The following TNIK variants were observed in gnomAD, a reference collection of about 807,000 sequenced individuals.
The protein encoded by TNIK is TRAF2 and NCK-interacting protein kinase.
Under a neutral mutation model 191.3 loss-of-function variants are expected in TNIK, and 49 were observed. That is an observed-to-expected ratio of 0.26 (90% confidence interval 0.20 to 0.32). The LOEUF is 0.32. Ranked by LOEUF, TNIK falls within the 10% of genes least tolerant of loss-of-function variation. The probability of loss-of-function intolerance (pLI) is 1.00; values close to 1 mark genes in which losing one functional copy is unlikely to be tolerated. For missense variants in TNIK, 1,155 were observed against 1,702.3 expected, an observed-to-expected ratio of 0.68 and a Z score of 5.66; for synonymous variants, 594 against 600.9, an observed-to-expected ratio of 0.99 and a Z score of 0.17.
chr3:171,085,705 C>T (rs766609714), intron 24 of TNIK, among the ~76,000 whole-genome samples: 2 of 152,186 alleles, frequency 1.3e-5, no homozygotes, highest in African/African-American at 2.4e-5. Flanking sequence ...CCCTTCTACT[C>T]TGGCCTGGTG....
chr3:171,429,960 C>G (rs145625222), intron 1 of TNIK, among the ~76,000 whole-genome samples: 2 of 152,136 alleles, frequency 1.3e-5, no homozygotes, highest in African/African-American at 4.8e-5. Flanking sequence ...GCAGCAGCAG[C>G]AGCATCATTT....
intron 2 of TNIK, among the ~76,000 whole-genome samples, chr3:171,317,962 A>T (rs1754813190): frequency 6.6e-6 from 1 of 152,164 alleles, no homozygotes; most frequent in Admixed American, 6.6e-5. Flanking sequence ...AGGAAAGGAA[A>T]CGTGTGTGCT....
At chr3:171,248,644 A>G (rs1292498754) in intron 2 of TNIK, among the ~76,000 whole-genome samples, 2 of 152,214 alleles carry the variant, frequency 1.3e-5, no homozygotes, top group Non-Finnish European at 2.9e-5. Context: ...GCTGTGGTCT[A>G]AGATTGGGAT....
chr3:171,433,916 ATC>A (rs1385645445), intron 1 of TNIK, among the ~76,000 whole-genome samples: 1 of 136,872 alleles, frequency 7.3e-6, no homozygotes, highest in African/African-American at 2.7e-5. Flanking sequence ...TATTAAGAAT[ATC>A]TGTTTTCTTT....
At chr3:171,183,257 C>G (rs1560228372) in intron 7 of TNIK, among the ~76,000 whole-genome samples, 1 of 152,162 alleles carries the variant, frequency 6.6e-6, no homozygotes, top group African/African-American at 2.4e-5. Context: ...GCTGGCAGAG[C>G]CTGATAAGAA....
At position 171,435,858 on chromosome 3, in the gene TNIK, A is replaced by G. The variant is rs200001795; in HGVS notation, c.57+24149T>C. 2.7e-4 allele frequency among the ~76,000 whole-genome samples: 41 copies of G among 152,338 alleles called. No individual in the cohort carries two copies. The East Asian group carries it at 2.9e-3, about 11-fold the overall frequency. On this transcript the variant is annotated intron_variant, in intron 1 of 32. Coordinates refer to ENST00000436636, the MANE Select transcript of TNIK (RefSeq NM_015028.4). ...AAAAGTTTCCAGATCCTAAGCCAGAAAAATTGAAGAGGGAGAAATGAATCA... is the reference window on the plus strand; with the variant it reads ...AAAAGTTTCCAGATCCTAAGCCAGAGAAATTGAAGAGGGAGAAATGAATCA...
At chr3:171,212,568 A>G (rs1349389206) in intron 3 of TNIK, among the ~76,000 whole-genome samples, 1 of 152,144 alleles carries the variant, frequency 6.6e-6, no homozygotes, top group African/African-American at 2.4e-5. Context: ...TAGCCCCGTG[A>G]ATCATCATGT....
At position 171,177,400 on chromosome 3, in the gene TNIK, C is replaced by T. The variant is rs1736098039; in HGVS notation, c.640-20G>A. 1 of 1,598,684 alleles carries T rather than the reference C, an allele frequency of 6.3e-7. No homozygotes were observed. Among genetic ancestry groups the T allele is most frequent in the African/African-American group, 1.3e-5 (1 of 74,650 alleles). Reference sequence around the variant, plus strand: ...GTCACTCTGAAAAAGAAGGGGCAGACACACACATAAATTCAGTCAACAAAG... The same window carrying T: ...GTCACTCTGAAAAAGAAGGGGCAGATACACACATAAATTCAGTCAACAAAG... On this transcript the variant is annotated intron_variant, in intron 7 of 32. Transcript: ENST00000436636.
At chr3:171,148,092 A>T (rs567598267) in intron 12 of TNIK, among the ~76,000 whole-genome samples, 5 of 152,122 alleles carry the variant, frequency 3.3e-5, no homozygotes, top group Non-Finnish European at 7.3e-5. Flanking sequence ...TTCTACACCT[A>T]CTTTACACCA....
intron 2 of TNIK, among the ~76,000 whole-genome samples, chr3:171,342,808 A>AG (rs1464213449): frequency 1.3e-5 from 2 of 152,196 alleles, no homozygotes; most frequent in Admixed American, 1.3e-4. Flanking sequence ...ATTGAATTGT[A>AG]GCTCCCTAAT....
At chr3:171,441,671 G>A (rs974067819) in intron 1 of TNIK, among the ~76,000 whole-genome samples, 2 of 152,262 alleles carry the variant, frequency 1.3e-5, no homozygotes, top group East Asian at 3.9e-4. Flanking sequence ...GGGTACATAC[G>A]CAGAAGTGGA....
intron 2 of TNIK, among the ~76,000 whole-genome samples, chr3:171,313,860 T>G (rs1315224264): frequency 6.6e-6 from 1 of 152,126 alleles, no homozygotes; most frequent in Non-Finnish European, 1.5e-5. Flanking sequence ...TGCCATGATC[T>G]GAGTGCCTTG....
chr3:171,141,179 CCATGCCTCCAACAGTGGA>C (rs369921868), intron 12 of TNIK, among the ~76,000 whole-genome samples: 3 of 152,216 alleles, frequency 2.0e-5, no homozygotes, highest in Admixed American at 6.5e-5. Context: ...CATACAATTA[CCATGCCTCCAACAGTGGA>C]CAGTGTGATA....
At chr3:171,178,577 T>C (rs1301613385) in intron 7 of TNIK, among the ~76,000 whole-genome samples, 1 of 152,204 alleles carries the variant, frequency 6.6e-6, no homozygotes, top group Admixed American at 6.5e-5. Context: ...CCATACTCTG[T>C]CTGTGGCTCA....
At chr3:171,131,808 C>T (rs370013267) in intron 15 of TNIK, among the ~76,000 whole-genome samples, 115 of 152,310 alleles carry the variant, frequency 7.6e-4, no homozygotes, top group African/African-American at 2.7e-3. Context: ...GGAAGTGGCA[C>T]TTCTCCTAAT....
chr3:171,171,745 T>G (rs7429304), intron 9 of TNIK, among the ~76,000 whole-genome samples: 19,447 of 152,002 alleles, frequency 0.13, 2,117 homozygotes, highest in African/African-American at 0.3. Flanking sequence ...CAAGAGAAGG[T>G]AGGAGAAAAT....
At chr3:171,082,709 T>C in intron 26 of TNIK, 1 of 231,268 alleles carries the variant, frequency 4.3e-6, no homozygotes, top group South Asian at 1.0e-4. Context: ...CTTTATTCCC[T>C]GCCTGGAAAA....
chr3:171,164,736 A>G (rs537454962), intron 10 of TNIK, among the ~76,000 whole-genome samples: 1 of 152,358 alleles, frequency 6.6e-6, no homozygotes, highest in Non-Finnish European at 1.5e-5. Flanking sequence ...GCCCTTAAAA[A>G]TTCTGACTTC....
chr3:171,335,278 A>G (rs1320033285), intron 2 of TNIK, among the ~76,000 whole-genome samples: 2 of 152,228 alleles, frequency 1.3e-5, no homozygotes, highest in Admixed American at 6.5e-5. Context: ...TTAGTAATGC[A>G]ATTTCCAAAT....
Sources: allele counts gnomAD v4.1 joint callset (sites outside exome capture counted in the v4.1 genomes callset), GRCh38; gene constraint gnomAD v4.1.1; transcripts MANE v1.5; gene names NCBI Gene and HGNC (gene_info 2026-07-23, HGNC 2026-07-21).